NBPF20: variants seen among roughly 807,000 people sequenced by gnomAD.
NBPF20 encodes the protein NBPF member 20.
Under a neutral mutation model 68.1 loss-of-function variants are expected in NBPF20, and 90 were observed. The observed-to-expected ratio is 1.32, with a 90% CI of 1.11 to 1.58. The LOEUF (loss-of-function observed/expected upper bound fraction) is 1.58, where lower values mean the gene tolerates loss of function less well. NBPF20 is among the 40% of genes most tolerant of loss of function. The pLI is 0.00. For missense variants in NBPF20, 816 were observed against 601.2 expected, an observed-to-expected ratio of 1.36 and a Z score of -3.74; for synonymous variants, 290 against 228.1, an observed-to-expected ratio of 1.27 and a Z score of -2.45.
At chr1:145,306,256 CAGATAG>C (rs1425874324) in intron 119 of NBPF20, among the ~76,000 whole-genome samples, 191 bp from the exon 125 acceptor site, 1 of 145,932 alleles carries the variant, frequency 6.9e-6, no homozygotes, top group Admixed American at 6.9e-5. Context: ...AAGAGAAAGA[CAGATAG>C]ACACACACAC....
chr1:145,291,310 G>C (rs1553657401), exon 138 of NBPF20: 1 of 713,776 alleles, frequency 1.4e-6, no homozygotes, highest in East Asian at 2.6e-5. Flanking sequence ...GGCATGTGCT[G>C]CACAGTTATG....
the NBPF20 span, among the ~76,000 whole-genome samples, chr1:145,424,271 C>T: frequency 8.0e-5 from 12 of 150,720 alleles, no homozygotes; most frequent in African/African-American, 2.2e-4. Flanking sequence ...CTACCGCGCC[C>T]GGACCACCTG....
Position 145,291,905 on chromosome 1 carries a change from T to C in NBPF20, c.16698-136A>G, listed in dbSNP as rs1272003632. 3.9e-6 allele frequency: 6 copies of C among 1,542,628 alleles called. No homozygotes were observed. The African/African-American group carries it at 5.6e-5, about 14-fold the overall frequency. On this transcript the variant is annotated intron_variant, in intron 137 of 137. Coordinates refer to ENST00000369373, the Ensembl canonical transcript of NBPF20. The stretch of plus-strand genomic sequence containing the variant: ...ATCCATTAATGAGGTAAAAAAAAAA[T>C]TTATTGCCTATATGTTGGGATAGAA...
the NBPF20 span, among the ~76,000 whole-genome samples, chr1:145,416,209 T>A: frequency 6.9e-6 from 1 of 145,806 alleles, no homozygotes; most frequent in African/African-American, 2.5e-5. Flanking sequence ...TCATCTCAAT[T>A]TTAATAGCAG....
exon 138 of NBPF20, chr1:145,290,018 G>T (rs1421525441): frequency 6.8e-6 from 1 of 147,552 alleles, no homozygotes; most frequent in East Asian, 1.9e-4. Context: ...TAGGCAAAAG[G>T]TTTTAATTGT....
exon 4 of NBPF20, chr1:145,402,185 C>G: frequency 1.3e-6 from 2 of 1,482,900 alleles, no homozygotes; most frequent in Non-Finnish European, 1.9e-6. Flanking sequence ...AGCTTTTGGA[C>G]AAGGTGCTGT....
chr1:145,421,392 T>C, the NBPF20 span, among the ~76,000 whole-genome samples: 23 of 152,354 alleles, frequency 1.5e-4, no homozygotes, highest in Admixed American at 1.5e-3. Flanking sequence ...TTATTTTTCA[T>C]TGACATTTCC....
chr1:145,334,904 G>C (rs1457560404), intron 83 of NBPF20, among the ~76,000 whole-genome samples: 5 of 134,120 alleles, frequency 3.7e-5, no homozygotes. Flanking sequence ...CACTGATGAA[G>C]GGGTCAAAGG....
chr1:145,400,651 C>T, intron 5 of NBPF20, 57 bp from the exon 11 acceptor site: 2 of 1,564,194 alleles, frequency 1.3e-6, no homozygotes, highest in South Asian at 2.2e-5. Flanking sequence ...GGATTGGACC[C>T]CAGGGAGTCC....
intron 109 of NBPF20, among the ~76,000 whole-genome samples, chr1:145,314,308 T>A (rs1661519571): frequency 2.0e-5 from 2 of 100,568 alleles, no homozygotes; most frequent in South Asian, 3.4e-4. Flanking sequence ...GGTGACACAC[T>A]GATGAGGGAG....
At chr1:145,424,863 C>A in the NBPF20 span, among the ~76,000 whole-genome samples, 1 of 152,172 alleles carries the variant, frequency 6.6e-6, no homozygotes, top group Non-Finnish European at 1.5e-5. Flanking sequence ...TCATGTGCAT[C>A]ATGGACTTGG....
intron 79 of NBPF20, among the ~76,000 whole-genome samples, chr1:145,338,035 A>G (rs1357018124): frequency 1.7e-4 from 16 of 94,496 alleles, no homozygotes; most frequent in African/African-American, 6.2e-4. Flanking sequence ...ACACACACAC[A>G]CACACACACA....
In NBPF20 at chr1:145,372,426, G is replaced by A. The variant is rs1258216186; in HGVS notation, c.4369+86C>T. On this transcript the variant is annotated intron_variant, in intron 36 of 137. Coordinates refer to ENST00000369373, the Ensembl canonical transcript of NBPF20. ...TGCCTGCGGCAATGACATCTCTCGG[G>A]TCAGTAAGGGCCACTTGGAACAGGA... 2.5e-5 allele frequency: 7 copies of A among 274,988 alleles called. 1 individual carries two copies. Among genetic ancestry groups the A allele is most frequent in the Non-Finnish European group, 4.2e-5 (7 of 165,580 alleles). The allele number at this position is 274,988 out of a possible 1,614,324, so 17.0% of individuals were successfully genotyped here. A position where few individuals can be genotyped will look rare whatever the true frequency, so the allele number is the denominator to read the frequency against.
At chr1:145,402,658 A>T (rs1662578472) in intron 3 of NBPF20, among the ~76,000 whole-genome samples, 1 of 151,248 alleles carries the variant, frequency 6.6e-6, no homozygotes, top group Middle Eastern at 3.2e-3. Context: ...CGTTTCAAAA[A>T]GACATCCTTT....
At chr1:145,421,746 T>C in the NBPF20 span, among the ~76,000 whole-genome samples, 1 of 152,166 alleles carries the variant, frequency 6.6e-6, no homozygotes, top group Non-Finnish European at 1.5e-5. Flanking sequence ...ATAAAAATTA[T>C]TAAAACTAAA....
upstream of NBPF20, chr1:145,408,177 G>C (rs1371823834): frequency 1.4e-3 from 289 of 200,116 alleles, 2 homozygotes; most frequent in African/African-American, 6.4e-3. Context: ...GTACTGACCT[G>C]CTTTGTTCCT....
At chr1:145,412,055 C>T in the NBPF20 span, among the ~76,000 whole-genome samples, 1 of 133,752 alleles carries the variant, frequency 7.5e-6, no homozygotes, top group East Asian at 2.1e-4. Flanking sequence ...TGAATTAAAG[C>T]TGATGGGAGT....
exon 138 of NBPF20, chr1:145,291,547 C>A (rs369339038): frequency 6.3e-5 from 102 of 1,611,906 alleles, no homozygotes; most frequent in Middle Eastern, 2.2e-4. Flanking sequence ...ATATGACTCC[C>A]ATCTGGAACA....
exon 6 of NBPF20, chr1:145,400,562 G>A: frequency 1.9e-6 from 3 of 1,612,410 alleles, no homozygotes; most frequent in Non-Finnish European, 2.5e-6. Flanking sequence ...TGAGTCCTCA[G>A]GGACTTCCTT....
Sources: allele counts gnomAD v4.1 joint callset (sites outside exome capture counted in the v4.1 genomes callset), GRCh38; gene constraint gnomAD v4.1.1; transcripts MANE v1.5; gene names NCBI Gene and HGNC (gene_info 2026-07-23, HGNC 2026-07-21).